RDX: variants seen among roughly 807,000 people sequenced by gnomAD.
RDX encodes the protein radixin.
A neutral mutation model predicts 83.7 loss-of-function variants in RDX; 32 were observed. The observed-to-expected ratio is 0.38, with a 90% CI of 0.29 to 0.51. The LOEUF is 0.51. Ranked by LOEUF, RDX falls within the 20% of genes least tolerant of loss-of-function variation. The pLI is 0.87. For synonymous variants in RDX, 229 were observed against 222.7 expected, an observed-to-expected ratio of 1.03 and a Z score of -0.25; for missense variants, 600 against 689.9, an observed-to-expected ratio of 0.87 and a Z score of 1.46.
chr11:110,287,187 T>C (rs1441338383), intron 1 of RDX: 2 of 151,466 alleles, frequency 1.3e-5, no homozygotes, highest in African/African-American at 4.9e-5. Context: ...GGGCCGGGAG[T>C]TCAAAACCAG....
chr11:110,227,859 G>C (rs188703303), downstream of RDX, among the ~76,000 whole-genome samples: 29 of 152,192 alleles, frequency 1.9e-4, no homozygotes, highest in East Asian at 5.6e-3. Flanking sequence ...CCTTAGTCAA[G>C]ATCTTTCATG....
chr11:110,184,750 C>T (rs920702475), intron 15 of RDX, among the ~76,000 whole-genome samples: 7 of 152,122 alleles, frequency 4.6e-5, no homozygotes, highest in South Asian at 2.1e-4. Flanking sequence ...GTCAACAACA[C>T]GGATGATCAG....
Position 110,258,867 on chromosome 11 carries a change from C to CTTTTT in RDX, c.468-683_468-679dup, listed in dbSNP as rs11421586. Among the ~76,000 whole-genome samples the CTTTTT allele has an allele frequency of 4.0e-3, 383 of 94,574 alleles. 2 individuals are homozygous for CTTTTT. Among genetic ancestry groups the CTTTTT allele is most frequent in the Non-Finnish European group, 4.7e-3 (235 of 49,960 alleles). 62.0% of individuals were successfully genotyped at this position (94,574 alleles called of 152,430 possible). A position where few individuals can be genotyped will look rare whatever the true frequency, so the allele number is the denominator to read the frequency against. ...TAATTCAAATGTGAGCAAATACATT[C>CTTTTT]TTTTTTTTTTTTTTTTTTTTTTGAG... On this transcript the variant is annotated intron_variant, in intron 5 of 13. Coordinates refer to ENST00000645495, the MANE Select transcript of RDX (RefSeq NM_002906.4).
chr11:110,264,671 A>G (rs1171999069), intron 4 of RDX, 108 bp downstream of exon 4: 6 of 740,646 alleles, frequency 8.1e-6, no homozygotes, highest in East Asian at 2.7e-5. Context: ...TGATTAACAG[A>G]TAACTACAAA....
chr11:110,249,781 C>A (rs1179833458), intron 9 of RDX, among the ~76,000 whole-genome samples: 1 of 152,064 alleles, frequency 6.6e-6, no homozygotes, highest in East Asian at 1.9e-4. Context: ...GGCTAAGGTG[C>A]GAGGATCACT....
intron 1 of RDX, among the ~76,000 whole-genome samples, chr11:110,293,199 T>C (rs1565340254): frequency 6.6e-6 from 1 of 152,176 alleles, no homozygotes; most frequent in Non-Finnish European, 1.5e-5. Flanking sequence ...GGATATAAAG[T>C]ATATGTTTAT....
intron 15 of RDX, among the ~76,000 whole-genome samples, chr11:110,183,010 G>A (rs566537380): frequency 2.6e-5 from 4 of 152,266 alleles, no homozygotes; most frequent in Admixed American, 1.3e-4. Context: ...CTTAGAATGC[G>A]ACTCATCCCA....
chr11:110,246,741 CTG>C (rs988951963), intron 10 of RDX, among the ~76,000 whole-genome samples: 5 of 102,494 alleles, frequency 4.9e-5, no homozygotes, highest in Non-Finnish European at 9.5e-5. Context: ...CAAAGTAAGA[CTG>C]TGTCTCAAAA....
chr11:110,294,582 A>G (rs1861371208), intron 1 of RDX, among the ~76,000 whole-genome samples: 1 of 152,226 alleles, frequency 6.6e-6, no homozygotes, highest in Admixed American at 6.5e-5. Context: ...CAGTGAACCA[A>G]TAAACAAAAG....
At chr11:110,253,745 C>T (rs1327382387) in intron 9 of RDX, 5 of 557,288 alleles carry the variant, frequency 9.0e-6, no homozygotes, top group African/African-American at 3.8e-5. Context: ...CTATTTTCTT[C>T]GAGATATGTG....
chr11:110,231,503 C>A lies in RDX; in HGVS notation c.*366G>T. On this transcript the variant is annotated 3_prime_UTR_variant, in exon 14 of 14. Transcript: ENST00000645495. The stretch of plus-strand genomic sequence containing the variant: ...TAAATATGGAAAGGGCAAGGGAAAC[C>A]CATTAAAATGTTCACCATTATCCTT... 2 of 261,940 alleles carry A rather than the reference C, an allele frequency of 7.6e-6. No individual in the cohort carries two copies. Among genetic ancestry groups the A allele is most frequent in the Non-Finnish European group, 1.5e-5 (2 of 134,072 alleles). The allele number at this position is 261,940 out of a possible 1,614,324, so 16.2% of individuals were successfully genotyped here.
intron 5 of RDX, among the ~76,000 whole-genome samples, chr11:110,261,876 T>C (rs766523902): frequency 2.4e-4 from 37 of 152,224 alleles, no homozygotes; most frequent in Non-Finnish European, 4.8e-4. Context: ...TGTGTTATTG[T>C]AGTGTTTAAG....
chr11:110,203,136 A>C (rs1401895331), intron 14 of RDX, among the ~76,000 whole-genome samples: 1 of 152,226 alleles, frequency 6.6e-6, no homozygotes, highest in Non-Finnish European at 1.5e-5. Context: ...TGAATGGATA[A>C]AGAAAATGTG....
chr11:110,215,823 C>T (rs1183758523), intron 14 of RDX, among the ~76,000 whole-genome samples: 1 of 152,182 alleles, frequency 6.6e-6, no homozygotes, highest in Non-Finnish European at 1.5e-5. Context: ...CTGTGGTTGT[C>T]CTTCGGCAGG....
intron 3 of RDX, among the ~76,000 whole-genome samples, chr11:110,271,618 A>T (rs1860314900): frequency 6.6e-6 from 1 of 152,202 alleles, no homozygotes; most frequent in African/African-American, 2.4e-5. Context: ...CAATTAAATC[A>T]GCATCTCTGG....
intron 15 of RDX, among the ~76,000 whole-genome samples, chr11:110,197,364 A>C (rs1863240644): frequency 6.6e-6 from 1 of 152,182 alleles, no homozygotes; most frequent in African/African-American, 2.4e-5. Context: ...TCTTGGGTCA[A>C]TAATTTTATA....
intron 15 of RDX, among the ~76,000 whole-genome samples, chr11:110,176,080 CTT>C (rs367710666): frequency 1.4e-5 from 2 of 138,482 alleles, no homozygotes. Flanking sequence ...TTTTCTTTTT[CTT>C]TTTTTCTTTT....
rs1196709029 is a variant in RDX, at chr11:110,205,499, T to C, written c.1749-5821A>G. 6.2e-5 allele frequency among the ~76,000 whole-genome samples: 9 copies of C among 145,874 alleles called. No homozygotes were observed. The East Asian group carries it at 1.8e-3, about 29-fold the overall frequency. On this transcript the variant is annotated intron_variant, in intron 14 of 15. Transcript: ENST00000528498. ...ACAAGGTAAGCCATGGAAGGAAATC[T>C]CTCTAAAACATTTAAATGTCAAAAG... is the stretch of plus-strand genomic sequence containing the variant.
chr11:110,201,116 C>T (rs890109202), intron 14 of RDX, among the ~76,000 whole-genome samples: 4 of 139,508 alleles, frequency 2.9e-5, no homozygotes, highest in African/African-American at 1.1e-4. Flanking sequence ...TTGGAGGTTA[C>T]GGTGAGCCAA....
Sources: gnomAD v4.1 joint callset for allele counts (sites outside exome capture counted in the v4.1 genomes callset) on GRCh38, gnomAD v4.1.1 for gene constraint, MANE v1.5 for transcripts, NCBI Gene and HGNC (gene_info 2026-07-23, HGNC 2026-07-21) for gene names.